RALB: variants seen among roughly 807,000 people sequenced by gnomAD.
RALB encodes ras-related protein Ral-B.
A neutral mutation model predicts 21.3 loss-of-function variants in RALB; 16 were observed. That is an observed-to-expected ratio of 0.75 (90% confidence interval 0.51 to 1.14). The LOEUF (loss-of-function observed/expected upper bound fraction) is 1.14, where lower values mean the gene tolerates loss of function less well. Among genes scored for constraint, RALB ranks in the 50% most tolerant of loss-of-function variants. RALB has a pLI of 0.00. For missense variants in RALB, 161 were observed against 256.2 expected, an observed-to-expected ratio of 0.63 and a Z score of 2.54; for synonymous variants, 93 against 96.1, an observed-to-expected ratio of 0.97 and a Z score of 0.19.
chr2:120,252,014 T>C (rs1441116410), upstream of RALB, among the ~76,000 whole-genome samples: 1 of 152,154 alleles, frequency 6.6e-6, no homozygotes, highest in African/African-American at 2.4e-5. Flanking sequence ...GATATCACAT[T>C]GCATAAGAGA....
intron 1 of RALB, among the ~76,000 whole-genome samples, chr2:120,255,001 C>T (rs1437143887): frequency 2.0e-5 from 3 of 152,200 alleles, no homozygotes; most frequent in African/African-American, 2.4e-5. Flanking sequence ...TTCCAAATCA[C>T]GTAATCCTAC....
chr2:120,247,057 G>A (rs559416785), intron 1 of RALB, among the ~76,000 whole-genome samples: 3 of 152,304 alleles, frequency 2.0e-5, no homozygotes, highest in East Asian at 1.9e-4. Context: ...CTGTCACCCC[G>A]TGGCGGCTTT....
At chr2:120,288,584 T>C (rs1305232118) in intron 3 of RALB, among the ~76,000 whole-genome samples, 2 of 152,178 alleles carry the variant, frequency 1.3e-5, no homozygotes, top group African/African-American at 2.4e-5. Flanking sequence ...TAGAATGTAT[T>C]GGCATATAAA....
chr2:120,293,699 T>C lies in RALB; in HGVS notation c.*439T>C, dbSNP rs965106509. On this transcript the variant is annotated 3_prime_UTR_variant, in exon 5 of 5. Transcript: ENST00000272519. The stretch of plus-strand genomic sequence containing the variant: ...CCTCCCACTTTTATCAGTTTAGTAG[T>C]AGTACTGAGAAAAATCCCTTCAGCT... 5 of 159,776 alleles carry C rather than the reference T, an allele frequency of 3.1e-5. No individual in the cohort carries two copies. Among genetic ancestry groups the C allele is most frequent in the Non-Finnish European group, 4.1e-5 (3 of 73,494 alleles). 9.9% of individuals were successfully genotyped at this position (159,776 alleles called of 1,614,324 possible). A position where few individuals can be genotyped will look rare whatever the true frequency, so the allele number is the denominator to read the frequency against.
At chr2:120,288,915 A>T (rs1275067011) in intron 3 of RALB, among the ~76,000 whole-genome samples, 1 of 152,230 alleles carries the variant, frequency 6.6e-6, no homozygotes, top group Non-Finnish European at 1.5e-5. Flanking sequence ...GGGATGACAT[A>T]CTTGTCGTGT....
intron 1 of RALB, among the ~76,000 whole-genome samples, chr2:120,267,058 C>T (rs1689521617): frequency 1.3e-5 from 2 of 152,144 alleles, no homozygotes; most frequent in African/African-American, 4.8e-5. Context: ...CCTCCTCCAT[C>T]AGGAGGAAGG....
At chr2:120,250,084 A>G (rs1375313194), upstream of RALB, among the ~76,000 whole-genome samples, 1 of 152,232 alleles carries the variant, frequency 6.6e-6, no homozygotes, top group Non-Finnish European at 1.5e-5. Flanking sequence ...ACCCAGTCTA[A>G]AATAATTTGT....
chr2:120,274,409 A>C (rs1480689965), intron 1 of RALB, among the ~76,000 whole-genome samples: 7 of 151,962 alleles, frequency 4.6e-5, no homozygotes, highest in Non-Finnish European at 1.0e-4. Flanking sequence ...CAGGCGGTCA[A>C]GAGTAGGGGG....
intron 1 of RALB, among the ~76,000 whole-genome samples, chr2:120,269,476 C>T (rs1158563080): frequency 6.8e-6 from 1 of 146,674 alleles, no homozygotes; most frequent in East Asian, 1.9e-4. Flanking sequence ...ACACCCATGT[C>T]CTGCTGATTG....
chr2:120,258,551 T>C (rs1689255406), intron 1 of RALB, among the ~76,000 whole-genome samples: 1 of 152,162 alleles, frequency 6.6e-6, no homozygotes, highest in East Asian at 1.9e-4. Flanking sequence ...CACAGTTTCA[T>C]GTGCAGTGTT....
intron 1 of RALB, among the ~76,000 whole-genome samples, chr2:120,274,545 C>G (rs1689745727): frequency 6.6e-6 from 1 of 151,980 alleles, no homozygotes. Flanking sequence ...ACAGAGAAAT[C>G]TAATACATGA....
At chr2:120,270,414 T>C (rs990595963) in intron 1 of RALB, among the ~76,000 whole-genome samples, 9 of 152,226 alleles carry the variant, frequency 5.9e-5, no homozygotes, top group African/African-American at 2.2e-4. Context: ...CTTAACTGGC[T>C]TTATTTGCAG....
chr2:120,293,276 A>G lies in RALB; in HGVS notation c.*16A>G, dbSNP rs772462229. ...CTTACTATGAGTGTCAAGGTGACGG[A>G]TGAAGCCAGCTGCTCCTAAGGACAC... On this transcript the variant is annotated 3_prime_UTR_variant, in exon 5 of 5. Coordinates refer to ENST00000272519, the MANE Select transcript of RALB (RefSeq NM_002881.3). The G allele has an allele frequency of 1.2e-6, 2 of 1,605,328 alleles. No homozygotes were observed. The highest frequency in any genetic ancestry group is 4.5e-5 in the East Asian group (2 of 44,476).
At chr2:120,246,541 C>A (rs1190885658) in intron 1 of RALB, among the ~76,000 whole-genome samples, 1 of 152,380 alleles carries the variant, frequency 6.6e-6, no homozygotes, top group African/African-American at 2.4e-5. Context: ...TCCTCCTCCC[C>A]CTTCCTAACT....
At chr2:120,286,765 C>T (rs1271290173) in intron 3 of RALB, among the ~76,000 whole-genome samples, 2 of 152,232 alleles carry the variant, frequency 1.3e-5, no homozygotes, top group African/African-American at 4.8e-5. Context: ...TGTCCCCTGT[C>T]ACAGTGTAGA....
intron 1 of RALB, among the ~76,000 whole-genome samples, chr2:120,242,304 C>A (rs1476508796): frequency 6.6e-6 from 1 of 152,160 alleles, no homozygotes; most frequent in East Asian, 1.9e-4. Flanking sequence ...GTTTAGACTT[C>A]TAGGGATGGA....
chr2:120,278,174 G>A (rs1317494348), intron 1 of RALB, among the ~76,000 whole-genome samples: 1 of 152,078 alleles, frequency 6.6e-6, no homozygotes, highest in Non-Finnish European at 1.5e-5. Context: ...GCGTGTTGTG[G>A]GGTAGAGGGT....
chr2:120,275,180 G>T (rs1014400791), intron 1 of RALB, among the ~76,000 whole-genome samples: 1 of 152,168 alleles, frequency 6.6e-6, no homozygotes, highest in Admixed American at 6.5e-5. Context: ...CTCCTTCAAG[G>T]GTCTTGACTT....
intron 3 of RALB, among the ~76,000 whole-genome samples, chr2:120,288,082 C>T (rs1690209836): frequency 6.6e-6 from 1 of 152,134 alleles, no homozygotes; most frequent in South Asian, 2.1e-4. Flanking sequence ...CTTGGTACTC[C>T]CATTTTTGGA....
Sources: gnomAD v4.1 joint callset for allele counts (sites outside exome capture counted in the v4.1 genomes callset) on GRCh38, gnomAD v4.1.1 for gene constraint, MANE v1.5 for transcripts, NCBI Gene and HGNC (gene_info 2026-07-23, HGNC 2026-07-21) for gene names.